The following AGBL4 variants were observed in gnomAD, a reference collection of about 807,000 sequenced individuals.
The protein encoded by AGBL4 is cytosolic carboxypeptidase 6.
In AGBL4, 58 loss-of-function variants were observed where a neutral mutation model predicts 66.4. The ratio of observed to expected loss-of-function variants is 0.87; its 90% CI spans 0.71 to 1.09. The LOEUF (loss-of-function observed/expected upper bound fraction) is 1.09. AGBL4 is among the 50% of genes least tolerant of loss of function. The pLI is 0.00. For synonymous variants in AGBL4, 234 were observed against 222.9 expected (o/e 1.05, Z -0.44); for missense variants, 579 against 631.0 (o/e 0.92, Z 0.88).
At chr1:49,887,619 C>T (rs563953980) in intron 1 of AGBL4, among the ~76,000 whole-genome samples, 1 of 152,096 alleles carries the variant, frequency 6.6e-6, no homozygotes, top group African/African-American at 2.4e-5. Flanking sequence ...TAGAAAGACC[C>T]TTCTGGCAGT....
chr1:49,549,874 T>C (rs1652815028), intron 3 of AGBL4, among the ~76,000 whole-genome samples: 1 of 152,220 alleles, frequency 6.6e-6, no homozygotes, highest in Admixed American at 6.5e-5. Flanking sequence ...GTGCTGTCAG[T>C]GGAGTATTGA....
At chr1:48,566,197 T>C (rs1190957752) in intron 11 of AGBL4, among the ~76,000 whole-genome samples, 3 of 152,222 alleles carry the variant, frequency 2.0e-5, no homozygotes, top group African/African-American at 4.8e-5. Context: ...CTCCCTTGTA[T>C]GAACTCAGCA....
intron 6 of AGBL4, among the ~76,000 whole-genome samples, chr1:48,798,315 G>A (rs1645736571): frequency 6.6e-6 from 1 of 151,960 alleles, no homozygotes; most frequent in Admixed American, 6.6e-5. Flanking sequence ...CCTACTTTTT[G>A]ATGGGATTAT....
chr1:49,742,411 C>A (rs1204252663), intron 2 of AGBL4, among the ~76,000 whole-genome samples: 2 of 152,078 alleles, frequency 1.3e-5, no homozygotes, highest in East Asian at 3.9e-4. Context: ...AGAATACAAA[C>A]AAATGGAAGA....
chr1:48,870,035 T>C (rs977993842), intron 5 of AGBL4, among the ~76,000 whole-genome samples: 1 of 152,216 alleles, frequency 6.6e-6, no homozygotes, highest in African/African-American at 2.4e-5. Context: ...ATCATCTCTG[T>C]CTACCCTCTT....
At chr1:49,715,717 G>A (rs965101568) in intron 2 of AGBL4, among the ~76,000 whole-genome samples, 1 of 152,142 alleles carries the variant, frequency 6.6e-6, no homozygotes, top group African/African-American at 2.4e-5. Context: ...CAGTGATGAT[G>A]AGCCTTTTTT....
intron 4 of AGBL4, among the ~76,000 whole-genome samples, chr1:49,134,892 G>A (rs1440731552): frequency 1.3e-5 from 2 of 152,028 alleles, no homozygotes; most frequent in Admixed American, 6.6e-5. Flanking sequence ...CACAATTTAT[G>A]TTCTTCTGTC....
chr1:49,804,356 G>C (rs1644930394), intron 2 of AGBL4, among the ~76,000 whole-genome samples: 1 of 152,046 alleles, frequency 6.6e-6, no homozygotes, highest in African/African-American at 2.4e-5. Flanking sequence ...TTCTTTCAAT[G>C]TGTCCCAGGG....
chr1:49,029,071 A>T (rs1663983754), intron 5 of AGBL4, among the ~76,000 whole-genome samples: 1 of 152,184 alleles, frequency 6.6e-6, no homozygotes. Flanking sequence ...TCAACATGAT[A>T]AAGGGCATCT....
intron 1 of AGBL4, among the ~76,000 whole-genome samples, chr1:50,012,375 A>T (rs1379215225): frequency 2.0e-5 from 3 of 152,138 alleles, no homozygotes; most frequent in Non-Finnish European, 4.4e-5. Context: ...CTCAAAGGAT[A>T]AATGCTTGAG....
chr1:49,919,544 A>C (rs377242123), intron 1 of AGBL4, among the ~76,000 whole-genome samples: 26 of 152,048 alleles, frequency 1.7e-4, no homozygotes, highest in Admixed American at 5.9e-4. Flanking sequence ...ATGTGAAGGA[A>C]CTCTTCAAGG....
At chr1:49,595,891 G>C (rs542139161) in intron 3 of AGBL4, among the ~76,000 whole-genome samples, 4 of 152,222 alleles carry the variant, frequency 2.6e-5, no homozygotes, top group African/African-American at 9.6e-5. Flanking sequence ...TCCCAGAGCA[G>C]CTCAGCCTAG....
intron 2 of AGBL4, among the ~76,000 whole-genome samples, chr1:49,722,687 T>C (rs1412532037): frequency 6.6e-6 from 1 of 152,160 alleles, no homozygotes; most frequent in Non-Finnish European, 1.5e-5. Context: ...TGAATGGCAG[T>C]CAAAAGATCT....
chr1:49,870,580 CTTAAAAA>C (rs1327482343), intron 1 of AGBL4, among the ~76,000 whole-genome samples: 1 of 149,840 alleles, frequency 6.7e-6, no homozygotes, highest in Non-Finnish European at 1.5e-5. Context: ...ACAATGTACC[CTTAAAAA>C]TTAAAAATTA....
chr1:49,878,578 A>T (rs537036706), intron 1 of AGBL4, among the ~76,000 whole-genome samples: 3 of 152,110 alleles, frequency 2.0e-5, no homozygotes, highest in Non-Finnish European at 4.4e-5. Context: ...CTTTACCTCC[A>T]ACTATGTGGT....
chr1:49,483,527 C>A (rs1646999756), intron 3 of AGBL4, among the ~76,000 whole-genome samples: 1 of 151,890 alleles, frequency 6.6e-6, no homozygotes, highest in East Asian at 1.9e-4. Flanking sequence ...ATAAGTGGTG[C>A]TGGGAAACAT....
chr1:49,079,027 T>TTGAAACATAGATA (rs1553151087), intron 4 of AGBL4, among the ~76,000 whole-genome samples: 1 of 152,208 alleles, frequency 6.6e-6, no homozygotes, highest in Non-Finnish European at 1.5e-5. Context: ...ACCAGCAATC[T>TTGAAACATAGATA]TGAAACATAG....
In AGBL4 at chr1:48,894,911, T is replaced by G. The variant is rs569624132; in HGVS notation, c.595-27681A>C. Among the ~76,000 whole-genome samples the G allele has an allele frequency of 2.0e-5, 3 of 152,354 alleles. No homozygotes were observed. In the East Asian group the frequency reaches 5.8e-4, roughly 29 times the overall value. Reference sequence around the variant, plus strand: ...ATATTTCTAAGACAGCATCTTTAGTTTGAATTTATGCTTCATCATATTAGC... The same window carrying G: ...ATATTTCTAAGACAGCATCTTTAGTGTGAATTTATGCTTCATCATATTAGC... On this transcript the variant is annotated intron_variant, in intron 5 of 13. Transcript: ENST00000371839.
At chr1:49,145,166 T>C (rs1646193274) in intron 4 of AGBL4, among the ~76,000 whole-genome samples, 1 of 152,184 alleles carries the variant, frequency 6.6e-6, no homozygotes, top group Admixed American at 6.5e-5. Context: ...AGGATAAGAT[T>C]TAAAATTTGA....
Sources: gnomAD v4.1 joint callset for allele counts (sites outside exome capture counted in the v4.1 genomes callset) on GRCh38, gnomAD v4.1.1 for gene constraint, MANE v1.5 for transcripts, NCBI Gene and HGNC (gene_info 2026-07-23, HGNC 2026-07-21) for gene names.